CD1B: variants seen among roughly 807,000 people sequenced by gnomAD.
CD1B encodes the protein T-cell surface glycoprotein CD1b.
CD1B carries 43 observed loss-of-function variants against 39.8 expected under a neutral mutation model. The ratio of observed to expected loss-of-function variants is 1.08; its 90% CI spans 0.85 to 1.39. The LOEUF (loss-of-function observed/expected upper bound fraction) is 1.39. Ranked by LOEUF, CD1B falls within the 40% of genes most tolerant of loss-of-function variation. CD1B has a pLI of 0.00. For missense variants in CD1B, 495 were observed against 403.8 expected, an observed-to-expected ratio of 1.23 and a Z score of -1.94; for synonymous variants, 192 against 152.5, an observed-to-expected ratio of 1.26 and a Z score of -1.91.
the CD1B span, chr1:158,293,610 A>G: frequency 1.2e-6 from 2 of 1,601,338 alleles, no homozygotes; most frequent in African/African-American, 2.7e-5. Flanking sequence ...TTGTTAATAA[A>G]AACCAAATTC....
the CD1B span, among the ~76,000 whole-genome samples, chr1:158,320,055 C>T: frequency 6.6e-6 from 1 of 152,232 alleles, no homozygotes; most frequent in South Asian, 2.1e-4. Flanking sequence ...AGAACCACTG[C>T]TCTCTTCAAA....
chr1:158,328,769 A>C, intron 5 of CD1B, 152 bp downstream of exon 5: 2 of 599,106 alleles, frequency 3.3e-6, no homozygotes, highest in Non-Finnish European at 2.9e-6. Context: ...AATTTTTTTT[A>C]AGTCCACATA....
At chr1:158,322,642 T>C in the CD1B span, among the ~76,000 whole-genome samples, 1 of 152,178 alleles carries the variant, frequency 6.6e-6, no homozygotes, top group South Asian at 2.1e-4. Context: ...TTTTTTTTCT[T>C]TCAAGTTGAA....
downstream of CD1B, among the ~76,000 whole-genome samples, chr1:158,323,496 C>T (rs1220773968): frequency 6.6e-6 from 1 of 152,100 alleles, no homozygotes; most frequent in South Asian, 2.1e-4. Flanking sequence ...TCACTGGCAT[C>T]GTGTTTTGTC....
the CD1B span, chr1:158,292,144 G>C: frequency 6.2e-7 from 1 of 1,614,150 alleles, no homozygotes; most frequent in South Asian, 1.1e-5. Context: ...AGCCCAGAAG[G>C]CTTCTTTCAG....
At chr1:158,316,517 G>A in the CD1B span, among the ~76,000 whole-genome samples, 1 of 151,930 alleles carries the variant, frequency 6.6e-6, no homozygotes, top group African/African-American at 2.4e-5. Context: ...TGTATCCTGA[G>A]ATTTTGCTGA....
chr1:158,303,063 A>G, the CD1B span, among the ~76,000 whole-genome samples: 1 of 152,244 alleles, frequency 6.6e-6, no homozygotes, highest in African/African-American at 2.4e-5. Context: ...ATCCAGGATC[A>G]TATCAAAAAG....
the CD1B span, among the ~76,000 whole-genome samples, chr1:158,312,230 A>G: frequency 1.3e-5 from 2 of 152,268 alleles, no homozygotes; most frequent in Admixed American, 1.3e-4. Context: ...GAGATAATTG[A>G]ATCATGGGGA....
downstream of CD1B, among the ~76,000 whole-genome samples, chr1:158,325,615 GCTAT>G (rs1652323729): frequency 6.6e-6 from 1 of 151,372 alleles, no homozygotes; most frequent in East Asian, 1.9e-4. Flanking sequence ...GATATATCTA[GCTAT>G]CTGTCTGGAC....
chr1:158,330,249 G>A, intron 2 of CD1B, 119 bp from the exon 3 acceptor site: 1 of 907,060 alleles, frequency 1.1e-6, no homozygotes. Context: ...AAATGATGAT[G>A]AGCTAAAAAC....
downstream of CD1B, among the ~76,000 whole-genome samples, chr1:158,323,005 C>A (rs116478105): frequency 6.6e-6 from 1 of 152,036 alleles, no homozygotes; most frequent in Admixed American, 6.6e-5. Context: ...TGGCCTTTGA[C>A]CTTCCTTTAC....
At chr1:158,327,268 TG>T (rs1652389320), downstream of CD1B, among the ~76,000 whole-genome samples, 1 of 152,176 alleles carries the variant, frequency 6.6e-6, no homozygotes, top group Admixed American at 6.5e-5. Context: ...ACAAAACTCT[TG>T]CTAGCTACAG....
the CD1B span, chr1:158,292,490 T>C: frequency 1.3e-6 from 2 of 1,492,736 alleles, no homozygotes; most frequent in South Asian, 2.6e-5. Flanking sequence ...TAATAGTTTC[T>C]TAGAGGCAGG....
the CD1B span, among the ~76,000 whole-genome samples, chr1:158,287,784 G>A: frequency 6.6e-6 from 1 of 152,174 alleles, no homozygotes; most frequent in African/African-American, 2.4e-5. Context: ...TTAGAACTTG[G>A]AGGCTTAACA....
At chr1:158,315,641 TG>T in the CD1B span, among the ~76,000 whole-genome samples, 1 of 151,674 alleles carries the variant, frequency 6.6e-6, no homozygotes, top group African/African-American at 2.4e-5. Flanking sequence ...TCTTTTGCTG[TG>T]CAGAAGCTCT....
At chr1:158,292,545 G>A in the CD1B span, 11 of 1,585,142 alleles carry the variant, frequency 6.9e-6, no homozygotes, top group Middle Eastern at 2.1e-4. Flanking sequence ...GTATGTGGAT[G>A]TAAGTTGTGT....
At chr1:158,307,492 T>C in the CD1B span, among the ~76,000 whole-genome samples, 6 of 152,156 alleles carry the variant, frequency 3.9e-5, no homozygotes, top group Admixed American at 1.3e-4. Context: ...CACTGCCAAA[T>C]TCTACCAGAA....
At chr1:158,323,332 C>T (rs73025792), downstream of CD1B, among the ~76,000 whole-genome samples, 7,252 of 151,760 alleles carry the variant, frequency 0.048, 562 homozygotes, top group African/African-American at 0.16. Flanking sequence ...TCTAGGATTT[C>T]TGTTAGATTT....
intron 4 of CD1B, 122 bp downstream of exon 4, chr1:158,329,248 G>A: frequency 7.7e-7 from 1 of 1,295,728 alleles, no homozygotes; most frequent in Non-Finnish European, 1.1e-6. Flanking sequence ...TTGGGGTCAG[G>A]GAAATCAATC....
Sources: allele counts gnomAD v4.1 joint callset (sites outside exome capture counted in the v4.1 genomes callset), GRCh38; gene constraint gnomAD v4.1.1; transcripts MANE v1.5; gene names NCBI Gene and HGNC (gene_info 2026-07-23, HGNC 2026-07-21).